The following CLMP variants were observed in gnomAD, a reference collection of about 807,000 sequenced individuals.
CLMP encodes the protein CXADR-like membrane protein.
In CLMP, 27 loss-of-function variants were observed where a neutral mutation model predicts 45.2. The ratio of observed to expected loss-of-function variants is 0.60; its 90% CI spans 0.44 to 0.82. CLMP has a LOEUF of 0.82. CLMP is among the 40% of genes least tolerant of loss of function. The pLI is 0.00. For synonymous variants in CLMP, 167 were observed against 171.4 expected, an observed-to-expected ratio of 0.97 and a Z score of 0.20; for missense variants, 403 against 448.4, an observed-to-expected ratio of 0.90 and a Z score of 0.91.
At chr11:123,126,159 A>G (rs954944602) in intron 1 of CLMP, among the ~76,000 whole-genome samples, 4 of 152,318 alleles carry the variant, frequency 2.6e-5, no homozygotes, top group Admixed American at 2.0e-4. Context: ...AATACTCTGT[A>G]GACACTTCTG....
chr11:123,076,976 A>G (rs1187537691), intron 5 of CLMP, among the ~76,000 whole-genome samples: 2 of 150,312 alleles, frequency 1.3e-5, no homozygotes, highest in East Asian at 3.9e-4. Flanking sequence ...TAATCAACAG[A>G]ATTTGCTATT....
At chr11:123,135,463 G>C (rs1861059592) in intron 1 of CLMP, among the ~76,000 whole-genome samples, 1 of 152,114 alleles carries the variant, frequency 6.6e-6, no homozygotes, top group Non-Finnish European at 1.5e-5. Flanking sequence ...TGAGGTGTCT[G>C]TCATAGATAT....
intron 1 of CLMP, among the ~76,000 whole-genome samples, chr11:123,106,422 T>TGC (rs749381818): frequency 4.4e-4 from 38 of 86,300 alleles, no homozygotes; most frequent in East Asian, 1.7e-3. Context: ...TGTGTGTGTG[T>TGC]GTGCGCGCGC....
chr11:123,083,531 G>C, intron 4 of CLMP, 149 bp downstream of exon 4: 1 of 767,844 alleles, frequency 1.3e-6, no homozygotes, highest in East Asian at 2.6e-5. Flanking sequence ...CAGATTTTCT[G>C]TTCTAGTTAA....
In CLMP at chr11:123,118,332, A is replaced by G. The variant is rs377699390; in HGVS notation, c.29-20380T>C. Among the ~76,000 whole-genome samples, 5 of 152,244 alleles carry G rather than the reference A, an allele frequency of 3.3e-5. No individual in the cohort carries two copies. The East Asian group carries it at 9.7e-4, about 29-fold the overall frequency. Reference sequence around the variant, plus strand: ...GTATTTTTAATAGAGACAAGGTTTCAACATGTTGGCCAGGCTAGTCTCGAA... The same window carrying G: ...GTATTTTTAATAGAGACAAGGTTTCGACATGTTGGCCAGGCTAGTCTCGAA... On this transcript the variant is annotated intron_variant, in intron 1 of 6. Transcript: ENST00000448775.
At chr11:123,184,485 G>A (rs990940777) in intron 1 of CLMP, among the ~76,000 whole-genome samples, 1 of 152,196 alleles carries the variant, frequency 6.6e-6, no homozygotes, top group African/African-American at 2.4e-5. Context: ...TGATACCCAG[G>A]CAAGGTTAGT....
intron 3 of CLMP, 86 bp from the exon 4 acceptor site, chr11:123,083,933 TTGC>T: frequency 1.3e-6 from 2 of 1,488,032 alleles, no homozygotes; most frequent in Non-Finnish European, 1.8e-6. Context: ...TCCTATTGAG[TTGC>T]TTCTCCAGCC....
chr11:123,149,804 T>TTTCC (rs1861287685), intron 1 of CLMP, among the ~76,000 whole-genome samples: 1 of 150,012 alleles, frequency 6.7e-6, no homozygotes, highest in South Asian at 2.1e-4. Flanking sequence ...TCTTTCTTTC[T>TTTCC]TTGTTTCTTT....
chr11:123,129,359 A>ATATTATATAAAATATATATCATATGC (rs1860948494), intron 1 of CLMP, among the ~76,000 whole-genome samples: 2 of 122,062 alleles, frequency 1.6e-5, no homozygotes, highest in Non-Finnish European at 3.4e-5. Context: ...ATATCATATG[A>ATATTATATAAAATATATATCATATGC]TATATTATAT....
intron 1 of CLMP, among the ~76,000 whole-genome samples, chr11:123,152,551 TA>T: frequency 1.3e-5 from 2 of 150,248 alleles, no homozygotes; most frequent in African/African-American, 2.4e-5. Flanking sequence ...AATAAATAAA[TA>T]AATAAATAAA....
intron 3 of CLMP, 114 bp from the exon 4 acceptor site, chr11:123,083,961 A>G (rs750337672): frequency 1.2e-5 from 15 of 1,214,320 alleles, no homozygotes; most frequent in African/African-American, 3.0e-5. Context: ...GTTTTGGTCA[A>G]CTTTTGAGTG....
intron 1 of CLMP, among the ~76,000 whole-genome samples, chr11:123,167,433 C>A (rs939849147): frequency 1.3e-5 from 2 of 152,080 alleles, no homozygotes; most frequent in Non-Finnish European, 2.9e-5. Context: ...CTACAGGCGC[C>A]CACCACCACG....
chr11:123,184,409 A>T (rs1861806712), intron 1 of CLMP, among the ~76,000 whole-genome samples: 1 of 152,188 alleles, frequency 6.6e-6, no homozygotes, highest in Non-Finnish European at 1.5e-5. Flanking sequence ...TAATATTTTT[A>T]AAATCCCACC....
chr11:123,142,277 C>T (rs986911067), intron 1 of CLMP, among the ~76,000 whole-genome samples: 2 of 152,098 alleles, frequency 1.3e-5, no homozygotes, highest in African/African-American at 2.4e-5. Flanking sequence ...TAAGTCACTG[C>T]GCCTGGCTGA....
At chr11:123,093,982 T>C (rs1865962559) in intron 2 of CLMP, among the ~76,000 whole-genome samples, 1 of 152,182 alleles carries the variant, frequency 6.6e-6, no homozygotes. Context: ...TCAGGATTTT[T>C]CCGCCATTTG....
chr11:123,166,736 G>C (rs1339284685), intron 1 of CLMP, among the ~76,000 whole-genome samples: 2 of 152,172 alleles, frequency 1.3e-5, no homozygotes, highest in African/African-American at 4.8e-5. Context: ...GACTATGGTT[G>C]ACAACAGTGT....
At chr11:123,139,844 A>G (rs1013609193) in intron 1 of CLMP, among the ~76,000 whole-genome samples, 5 of 151,298 alleles carry the variant, frequency 3.3e-5, no homozygotes, top group Non-Finnish European at 5.9e-5. Flanking sequence ...ATAAAATAGA[A>G]TAAAATAAAA....
chr11:123,083,329 A>G (rs1374946987), intron 4 of CLMP, 122 bp from the exon 5 acceptor site: 10 of 1,017,340 alleles, frequency 9.8e-6, no homozygotes, highest in Non-Finnish European at 1.3e-5. Flanking sequence ...GAAATGATGG[A>G]AAAGATATCC....
At chr11:123,103,882 T>C (rs1052082685) in intron 1 of CLMP, among the ~76,000 whole-genome samples, 1 of 148,770 alleles carries the variant, frequency 6.7e-6, no homozygotes, top group Non-Finnish European at 1.5e-5. Flanking sequence ...CAGGCTAGAG[T>C]GCAGTCGCGC....
Sources: gnomAD v4.1 joint callset for allele counts (sites outside exome capture counted in the v4.1 genomes callset) on GRCh38, gnomAD v4.1.1 for gene constraint, MANE v1.5 for transcripts, NCBI Gene and HGNC (gene_info 2026-07-23, HGNC 2026-07-21) for gene names.